Variants in ARB2A observed in about 807,000 individuals in gnomAD.
ARB2A encodes ARB2 cotranscriptional regulator A.
the ARB2A span, among the ~76,000 whole-genome samples, chr5:93,801,080 A>G: frequency 6.6e-6 from 1 of 152,060 alleles, no homozygotes; most frequent in Non-Finnish European, 1.5e-5. Flanking sequence ...CCTTTATCCA[A>G]ATGAATCACA....
chr5:93,970,764 T>C, the ARB2A span, among the ~76,000 whole-genome samples: 6 of 152,200 alleles, frequency 3.9e-5, no homozygotes, highest in Non-Finnish European at 7.3e-5. Context: ...ACATATATCA[T>C]GTTTACATTA....
chr5:93,859,026 A>G, the ARB2A span, among the ~76,000 whole-genome samples: 3 of 152,300 alleles, frequency 2.0e-5, no homozygotes, highest in South Asian at 2.1e-4. Flanking sequence ...CAATAATTAT[A>G]TAAGAATAGC....
the ARB2A span, chr5:93,964,319 C>T: frequency 8.7e-6 from 5 of 575,938 alleles, no homozygotes; most frequent in South Asian, 2.1e-5. Context: ...TTAAAATTAT[C>T]GCTATCAACA....
the ARB2A span, among the ~76,000 whole-genome samples, chr5:93,800,381 TCACACACACA>T: frequency 0.018 from 2,529 of 141,052 alleles, 41 homozygotes; most frequent in Non-Finnish European, 0.023. Flanking sequence ...CTGCATATTT[TCACACACACA>T]CACACACACA....
chr5:94,089,695 A>C, the ARB2A span, among the ~76,000 whole-genome samples: 1 of 151,634 alleles, frequency 6.6e-6, no homozygotes, highest in Non-Finnish European at 1.5e-5. Context: ...CCTTTTGCAG[A>C]TAACTAAGTA....
chr5:93,782,038 C>A, the ARB2A span: 1 of 489,120 alleles, frequency 2.0e-6, no homozygotes, highest in African/African-American at 2.1e-5. Context: ...TCTTGCCAAC[C>A]CACACTGTAA....
At chr5:94,051,933 T>C in the ARB2A span, among the ~76,000 whole-genome samples, 4 of 152,234 alleles carry the variant, frequency 2.6e-5, no homozygotes, top group African/African-American at 9.6e-5. Flanking sequence ...GAGATTCTCA[T>C]GCCTCAGCCA....
At chr5:94,035,232 T>TATACATATACATATACAC in the ARB2A span, among the ~76,000 whole-genome samples, 1,063 of 151,600 alleles carry the variant, frequency 7.0e-3, 10 homozygotes, top group Middle Eastern at 0.024. Flanking sequence ...TACATATACA[T>TATACATATACATATACAC]ATACATATAC....
the ARB2A span, among the ~76,000 whole-genome samples, chr5:93,651,139 CT>C: frequency 3.3e-3 from 474 of 145,050 alleles, no homozygotes; most frequent in Middle Eastern, 3.6e-3. Context: ...AAAGAACACT[CT>C]TTTTTTTTTT....
the ARB2A span, among the ~76,000 whole-genome samples, chr5:93,632,772 A>C: frequency 1.3e-5 from 2 of 152,254 alleles, no homozygotes; most frequent in Admixed American, 1.3e-4. Context: ...TATAAGGAAT[A>C]AAATCAATCT....
chr5:93,831,299 T>TAACAAAA, the ARB2A span, among the ~76,000 whole-genome samples: 8 of 136,520 alleles, frequency 5.9e-5, no homozygotes, highest in Admixed American at 3.0e-4. Context: ...ACTCCGCTGC[T>TAACAAAA]AAAAAAAAAA....
At chr5:94,092,225 G>A in the ARB2A span, among the ~76,000 whole-genome samples, 1 of 151,852 alleles carries the variant, frequency 6.6e-6, no homozygotes. Flanking sequence ...ACATGCCTGT[G>A]GTCCCAACTA....
At chr5:93,960,025 T>C in the ARB2A span, among the ~76,000 whole-genome samples, 3,683 of 148,322 alleles carry the variant, frequency 0.025, 157 homozygotes, top group African/African-American at 0.088. Flanking sequence ...CTTCACTTTG[T>C]CAACTGTATA....
At chr5:93,851,297 C>G in the ARB2A span, among the ~76,000 whole-genome samples, 3 of 152,142 alleles carry the variant, frequency 2.0e-5, no homozygotes, top group Non-Finnish European at 2.9e-5. Flanking sequence ...TATTTGCATT[C>G]CTATGTATTT....
the ARB2A span, among the ~76,000 whole-genome samples, chr5:93,988,910 A>G: frequency 1.3e-5 from 2 of 152,144 alleles, no homozygotes; most frequent in African/African-American, 4.8e-5. Flanking sequence ...TAGGCAATCT[A>G]CCTGCCCTGG....
At chr5:93,862,615 A>G in the ARB2A span, 2 of 151,610 alleles carry the variant, frequency 1.3e-5, no homozygotes, top group Non-Finnish European at 2.9e-5. Context: ...TGTGATTACT[A>G]GTGTGTGTGT....
At chr5:93,715,916 T>C in the ARB2A span, among the ~76,000 whole-genome samples, 1 of 152,212 alleles carries the variant, frequency 6.6e-6, no homozygotes, top group African/African-American at 2.4e-5. Context: ...TTCCTAGCTT[T>C]AGACAGACTG....
At chr5:93,847,894 G>A in the ARB2A span, among the ~76,000 whole-genome samples, 5 of 152,098 alleles carry the variant, frequency 3.3e-5, no homozygotes, top group Admixed American at 2.0e-4. Flanking sequence ...CTCACCCTTC[G>A]ATTTTTCTAT....
At chr5:93,640,992 G>A in the ARB2A span, among the ~76,000 whole-genome samples, 99 of 152,012 alleles carry the variant, frequency 6.5e-4, no homozygotes, top group Non-Finnish European at 1.3e-3. Flanking sequence ...ACAAAGTCAG[G>A]AGTTTGAGAC....
Sources: allele counts gnomAD v4.1 joint callset (sites outside exome capture counted in the v4.1 genomes callset), GRCh38; gene constraint gnomAD v4.1.1; transcripts MANE v1.5; gene names NCBI Gene and HGNC (gene_info 2026-07-23, HGNC 2026-07-21).